The following NUP160 variants were observed in gnomAD, a reference collection of about 807,000 sequenced individuals.
NUP160 encodes the protein nuclear pore complex protein Nup160.
A neutral mutation model predicts 196.9 loss-of-function variants in NUP160; 94 were observed. The ratio of observed to expected loss-of-function variants is 0.48; its 90% confidence interval spans 0.40 to 0.57. The LOEUF is 0.57. Among genes scored for constraint, NUP160 ranks in the 20% least tolerant of loss-of-function variants. NUP160 has a pLI of 0.00. For missense variants in NUP160, 1,638 were observed against 1,748.3 expected (o/e 0.94, Z 1.13); for synonymous variants, 605 against 619.7 (o/e 0.98, Z 0.35).
At chr11:47,821,600 T>C (rs960648562) in intron 9 of NUP160, 124 bp downstream of exon 9, 1 of 686,060 alleles carries the variant, frequency 1.5e-6, no homozygotes, top group Non-Finnish European at 2.6e-6. Context: ...GCTTAAGTGA[T>C]TTGCCTGCCT....
At chr11:47,792,064 G>T in intron 28 of NUP160, 74 bp from the exon 29 acceptor site, 3 of 992,078 alleles carry the variant, frequency 3.0e-6, no homozygotes, top group Admixed American at 2.4e-5. Context: ...GTGATTCATA[G>T]CTTTTATGCT....
intron 31 of NUP160, among the ~76,000 whole-genome samples, chr11:47,787,898 A>AT (rs1322625177): frequency 6.6e-6 from 1 of 151,592 alleles, no homozygotes; most frequent in African/African-American, 2.4e-5. Flanking sequence ...TTTTTGTATT[A>AT]TTTTTAGTAG....
intron 28 of NUP160, chr11:47,792,286 T>C: frequency 3.2e-6 from 1 of 315,488 alleles, no homozygotes. Context: ...CAGCTGCATG[T>C]ATCTGACCCA....
chr11:47,796,206 G>GTGAGATCT (rs1480056641), intron 27 of NUP160: 1 of 464,720 alleles, frequency 2.2e-6, no homozygotes, highest in Non-Finnish European at 3.9e-6. Context: ...CACCAGGAAG[G>GTGAGATCT]TGAGATCTTC....
intron 2 of NUP160, among the ~76,000 whole-genome samples, chr11:47,842,905 T>C (rs879745567): frequency 3.9e-5 from 6 of 152,132 alleles, no homozygotes; most frequent in Admixed American, 6.5e-5. Context: ...GGAGGATCGA[T>C]TGAGCCTAGG....
At chr11:47,779,387 TACA>T (rs1000871282) in intron 35 of NUP160, among the ~76,000 whole-genome samples, 193 bp from the exon 36 acceptor site, 7 of 152,202 alleles carry the variant, frequency 4.6e-5, no homozygotes, top group African/African-American at 1.4e-4. Context: ...CTCTGTTATA[TACA>T]ACATTTCAGT....
rs1171602748 is a variant in NUP160 at position 47,816,419 on chromosome 11, A to C, written c.1432-390T>G. On this transcript the variant is annotated intron_variant, in intron 11 of 35. Coordinates refer to ENST00000378460, the Ensembl canonical transcript of NUP160. ...GGTCAGTCTAAAATATTCTAATATAATTTTCAATTATATGAGTTATTGTAT... is the reference window on the plus strand; with the variant it reads ...GGTCAGTCTAAAATATTCTAATATACTTTTCAATTATATGAGTTATTGTAT... Among the ~76,000 whole-genome samples, 7 of 152,220 alleles carry C rather than the reference A, an allele frequency of 4.6e-5. No homozygotes were observed. The East Asian group carries it at 1.3e-3, about 29-fold the overall frequency.
chr11:47,806,790 T>TATAC (rs1296127312), intron 19 of NUP160, among the ~76,000 whole-genome samples: 174 of 111,868 alleles, frequency 1.6e-3, no homozygotes, highest in South Asian at 3.4e-3. Context: ...AAAGCAGCTA[T>TATAC]ACACACACAC....
intron 29 of NUP160, among the ~76,000 whole-genome samples, chr11:47,788,965 C>T (rs1460088295): frequency 1.3e-5 from 2 of 151,930 alleles, no homozygotes; most frequent in Non-Finnish European, 2.9e-5. Context: ...CAACCTCCGC[C>T]TCTTGGGTTC....
At chr11:47,806,965 G>T in intron 19 of NUP160, 105 bp downstream of exon 19, 1 of 764,372 alleles carries the variant, frequency 1.3e-6, no homozygotes, top group East Asian at 2.5e-5. Context: ...TGAAAGCAAA[G>T]AGCCTAGCCA....
At chr11:47,840,105 T>TA in intron 3 of NUP160, 40 bp from the exon 4 acceptor site, 6 of 1,510,006 alleles carry the variant, frequency 4.0e-6, no homozygotes, top group Non-Finnish European at 5.5e-6. Context: ...TAAATCAAAA[T>TA]AACCAGAATT....
chr11:47,821,948 T>C, intron 8 of NUP160, 127 bp from the exon 9 acceptor site: 1 of 990,156 alleles, frequency 1.0e-6, no homozygotes, highest in Middle Eastern at 2.2e-4. Flanking sequence ...ATGAATTTGG[T>C]AAAGTCTAAA....
chr11:47,840,145 G>A (rs1003540840), intron 3 of NUP160, 80 bp from the exon 4 acceptor site: 2 of 1,080,396 alleles, frequency 1.9e-6, no homozygotes, highest in Non-Finnish European at 2.7e-6. Context: ...TGCTAAAAAA[G>A]TTTTTAAAGT....
intron 2 of NUP160, among the ~76,000 whole-genome samples, chr11:47,847,516 T>C (rs1852421043): frequency 6.6e-6 from 1 of 152,054 alleles, no homozygotes; most frequent in South Asian, 2.1e-4. Context: ...AACGTATTTG[T>C]ACAATGAAGG....
intron 27 of NUP160, chr11:47,796,348 G>T: frequency 4.7e-6 from 3 of 636,158 alleles, no homozygotes; most frequent in South Asian, 1.9e-5. Context: ...TGTTTGCCCT[G>T]ACAAATGGAA....
At chr11:47,821,897 A>G (rs1851865907) in intron 8 of NUP160, 76 bp from the exon 9 acceptor site, 2 of 1,204,650 alleles carry the variant, frequency 1.7e-6, no homozygotes, top group Middle Eastern at 1.9e-4. Flanking sequence ...CTTTTTCATC[A>G]GTAGGAGAGG....
At chr11:47,828,576 T>C (rs1468133806) in intron 7 of NUP160, among the ~76,000 whole-genome samples, 1 of 142,654 alleles carries the variant, frequency 7.0e-6, no homozygotes, top group Non-Finnish European at 1.6e-5. Context: ...TTGTAGAAAC[T>C]GACAAGCTGA....
At chr11:47,792,668 A>C (rs1392072080) in intron 28 of NUP160, 118 bp downstream of exon 28, 3 of 934,814 alleles carry the variant, frequency 3.2e-6, no homozygotes, top group East Asian at 2.7e-5. Flanking sequence ...CAAATATCTC[A>C]GTAGAAATTG....
intron 29 of NUP160, 133 bp downstream of exon 29, chr11:47,791,797 C>T: frequency 4.7e-6 from 3 of 633,626 alleles, no homozygotes; most frequent in Non-Finnish European, 8.1e-6. Flanking sequence ...ACAAGGGCAA[C>T]TGTTACTACT....
Sources: allele counts gnomAD v4.1 joint callset (sites outside exome capture counted in the v4.1 genomes callset), GRCh38; gene constraint gnomAD v4.1.1; transcripts MANE v1.5; gene names NCBI Gene and HGNC (gene_info 2026-07-23, HGNC 2026-07-21).